The following DAZAP1 variants were observed in gnomAD, a reference collection of about 807,000 sequenced individuals.
DAZAP1 encodes DAZ associated protein 1.
DAZAP1 carries 6 observed loss-of-function variants against 60.1 expected under a neutral mutation model. That is an observed-to-expected ratio of 0.10 (90% CI 0.05 to 0.20). The LOEUF is 0.20. Ranked by LOEUF, DAZAP1 falls within the 10% of genes least tolerant of loss-of-function variation. DAZAP1 has a pLI of 1.00. For synonymous variants in DAZAP1, 235 were observed against 215.9 expected, an observed-to-expected ratio of 1.09 and a Z score of -0.78; for missense variants, 366 against 560.4, an observed-to-expected ratio of 0.65 and a Z score of 3.50.
intron 10 of DAZAP1, among the ~76,000 whole-genome samples, chr19:1,431,354 C>A (rs1353957492): frequency 6.6e-6 from 1 of 151,542 alleles, no homozygotes; most frequent in Non-Finnish European, 1.5e-5. Context: ...TGGTCTCGAT[C>A]TCCTGACCTC....
intron 1 of DAZAP1, among the ~76,000 whole-genome samples, chr19:1,411,361 A>G (rs947937728): frequency 6.6e-6 from 1 of 152,152 alleles, no homozygotes; most frequent in Non-Finnish European, 1.5e-5. Flanking sequence ...GACAACCACA[A>G]ATGTTCCCAG....
chr19:1,425,809 A>T lies in DAZAP1; in HGVS notation c.464-69A>T. On this transcript the variant is annotated intron_variant, in intron 6 of 11. Coordinates refer to ENST00000233078, the MANE Select transcript of DAZAP1 (RefSeq NM_018959.4). This position sits in a 1 kb window ranked among gnomAD's most constrained non-coding sequence, Gnocchi z 5.4. ...AGGTCGATCCCTCGGCCCGTCCCTAATACTGTTCATCATCCTGTTTTGTGT... is the reference window on the plus strand; with the variant it reads ...AGGTCGATCCCTCGGCCCGTCCCTATTACTGTTCATCATCCTGTTTTGTGT... The T allele has an allele frequency of 9.0e-7, 1 of 1,110,366 alleles. No individual in the cohort carries two copies. The highest frequency in any genetic ancestry group is 2.0e-4 in the Middle Eastern group (1 of 5,088). The allele number at this position is 1,110,366 out of a possible 1,614,324, so 68.8% of individuals were successfully genotyped here.
At chr19:1,409,244 G>A (rs2082756034) in intron 1 of DAZAP1, among the ~76,000 whole-genome samples, 1 of 152,252 alleles carries the variant, frequency 6.6e-6, no homozygotes, top group Non-Finnish European at 1.5e-5. Context: ...GGCCATGGGG[G>A]ATGGAGCCAT....
chr19:1,434,525 G>A lies in DAZAP1; in HGVS notation c.1049-212G>A. The A allele has an allele frequency of 1.8e-6, 1 of 545,602 alleles. No individual in the cohort carries two copies. The highest frequency in any genetic ancestry group is 3.2e-6 in the Non-Finnish European group (1 of 308,170). 33.8% of individuals were successfully genotyped at this position (545,602 alleles called of 1,614,324 possible). On this transcript the variant is annotated intron_variant, in intron 11 of 11. Coordinates refer to ENST00000233078, the MANE Select transcript of DAZAP1 (RefSeq NM_018959.4). The surrounding 1 kb of genome is among the most constrained non-coding windows in gnomAD (Gnocchi z 8.0). The stretch of plus-strand genomic sequence containing the variant: ...AGGGCTCTGGAAGCCGCTTTTCTCT[G>A]TGTGTGCCCCTGCTCACATGTTTTT...
At position 1,433,652 on chromosome 19, in the gene DAZAP1, G is replaced by A. The variant is rs922869109; in HGVS notation, c.1048+962G>A. ...GTCTGAGACTGGCAGGGGGGTGTGA[G>A]GCGCCCGGTTGGGGCGTGGCGTGTG... On this transcript the variant is annotated intron_variant, in intron 11 of 11. Transcript: ENST00000233078. This position sits in a 1 kb window ranked among gnomAD's most constrained non-coding sequence, Gnocchi z 6.1. The A allele has an allele frequency of 8.1e-6, 9 of 1,117,652 alleles. No individual in the cohort carries two copies. Among genetic ancestry groups the A allele is most frequent in the African/African-American group, 3.1e-5 (2 of 64,820 alleles). The allele number at this position is 1,117,652 out of a possible 1,614,324, so 69.2% of individuals were successfully genotyped here.
chr19:1,424,781 T>A (rs1199686789), intron 6 of DAZAP1, among the ~76,000 whole-genome samples: 1 of 152,186 alleles, frequency 6.6e-6, no homozygotes, highest in African/African-American at 2.4e-5. Flanking sequence ...CCCATGTCCA[T>A]CTTTGTTCTG....
rs142046074 is a variant in DAZAP1, at chr19:1,414,988, G to A, written c.30-2512G>A. Among the ~76,000 whole-genome samples the A allele has an allele frequency of 2.4e-3, 371 of 151,828 alleles. 5 individuals carry two copies. Among genetic ancestry groups the A allele is most frequent in the African/African-American group, 8.6e-3 (357 of 41,414 alleles). On this transcript the variant is annotated intron_variant, in intron 1 of 11. Transcript: ENST00000233078. ...GGTGCCTGCCACCACCTGGAGTCTC[G>A]TTACGTTGCCCAGGCTGGTCTTGAA...
chr19:1,413,009 C>A (rs547439966), intron 1 of DAZAP1, among the ~76,000 whole-genome samples: 1 of 152,216 alleles, frequency 6.6e-6, no homozygotes, highest in African/African-American at 2.4e-5. Context: ...GTCGGAGATG[C>A]CGTCAGCTGG....
chr19:1,413,324 G>A (rs1239924408), intron 1 of DAZAP1, among the ~76,000 whole-genome samples: 1 of 152,212 alleles, frequency 6.6e-6, no homozygotes, highest in Non-Finnish European at 1.5e-5. Context: ...GATGGACAGT[G>A]TCTGGGAGGT....
At chr19:1,424,635 A>C (rs1267704325) in intron 6 of DAZAP1, among the ~76,000 whole-genome samples, 1 of 147,490 alleles carries the variant, frequency 6.8e-6, no homozygotes, top group Non-Finnish European at 1.5e-5. Context: ...GCCTGTTCCC[A>C]CCCCCCACGG....
chr19:1,413,348 T>C (rs973528443), intron 1 of DAZAP1, among the ~76,000 whole-genome samples: 78 of 152,344 alleles, frequency 5.1e-4, no homozygotes, highest in African/African-American at 1.8e-3. Context: ...TGCCCAGGGC[T>C]CCGCATGTTT....
chr19:1,430,264 C>A lies in DAZAP1; in HGVS notation c.773C>A (p.Pro258Gln). The A allele has an allele frequency of 7.8e-7, 1 of 1,276,778 alleles. No individual in the cohort carries two copies. Among genetic ancestry groups the A allele is most frequent in the Non-Finnish European group, 1.1e-6 (1 of 904,762 alleles). The allele number at this position is 1,276,778 out of a possible 1,614,324, so 79.1% of individuals were successfully genotyped here. A position where few individuals can be genotyped will look rare whatever the true frequency, so the allele number is the denominator to read the frequency against. Residue 258 changes from proline (P) to glutamine (Q), a missense_variant, in exon 10 of 12, where the codon CCA becomes CAA. Transcript: ENST00000233078. ...PPPAGRGAPP[P>Q]PPPFTSYIVS... ...CCTGCAGGAAGAGGAGCCCCCCCGC[C>A]ACCCCCACCGTTCACCTCCTACATC... is the stretch of plus-strand genomic sequence containing the variant.
chr19:1,408,348 C>A (rs2082724858), intron 1 of DAZAP1, among the ~76,000 whole-genome samples: 1 of 151,450 alleles, frequency 6.6e-6, no homozygotes, highest in Non-Finnish European at 1.5e-5. Context: ...GTCCAGGGCG[C>A]CGTCGCCGCC....
intron 9 of DAZAP1, 96 bp downstream of exon 9, chr19:1,430,092 G>C (rs926291085): frequency 1.5e-5 from 23 of 1,573,506 alleles, no homozygotes; most frequent in Non-Finnish European, 1.7e-5. Context: ...CCTGGTTCCC[G>C]TGTCCTGAGT....
chr19:1,419,555 C>T (rs989561295), intron 4 of DAZAP1, among the ~76,000 whole-genome samples: 1 of 152,262 alleles, frequency 6.6e-6, no homozygotes, highest in Non-Finnish European at 1.5e-5. Flanking sequence ...CCCGTGTCAT[C>T]TGTGTCCAGG....
intron 1 of DAZAP1, among the ~76,000 whole-genome samples, chr19:1,411,621 A>C (rs971820324): frequency 1.3e-5 from 2 of 152,194 alleles, no homozygotes; most frequent in African/African-American, 4.8e-5. Flanking sequence ...TGCCCTTCAC[A>C]CAGCAGCTCC....
At position 1,418,534 on chromosome 19, in the gene DAZAP1, G is replaced by A; in HGVS notation, c.238-132G>A. 7.0e-7 allele frequency: 1 copy of A among 1,438,246 alleles called. No homozygotes were observed. Among genetic ancestry groups the A allele is most frequent in the Non-Finnish European group, 9.7e-7 (1 of 1,025,842 alleles). 89.1% of individuals were successfully genotyped at this position (1,438,246 alleles called of 1,614,324 possible). On this transcript the variant is annotated intron_variant, in intron 3 of 11. Transcript: ENST00000233078. The surrounding 1 kb of genome is among the most constrained non-coding windows in gnomAD (Gnocchi z 5.7). ...GTGCTGAGGCTGGATATTGCAGGAG[G>A]ATACAGGGTGAATGGAGCCGGCGGG...
At chr19:1,419,235 C>T (rs1169813605) in intron 4 of DAZAP1, among the ~76,000 whole-genome samples, 1 of 152,232 alleles carries the variant, frequency 6.6e-6, no homozygotes, top group African/African-American at 2.4e-5. Flanking sequence ...TTGGGTCTCA[C>T]CACCACCCAC....
chr19:1,421,090 T>A (rs1014169670), intron 4 of DAZAP1, 58 bp from the exon 5 acceptor site: 2 of 1,518,994 alleles, frequency 1.3e-6, no homozygotes, highest in East Asian at 2.3e-5. Flanking sequence ...CCTCCGCAGC[T>A]CGCGGGAGGG....
Sources: allele counts gnomAD v4.1 joint callset (sites outside exome capture counted in the v4.1 genomes callset), GRCh38; gene constraint gnomAD v4.1.1; non-coding constraint Gnocchi (gnomAD v3.1); transcripts MANE v1.5; gene names NCBI Gene and HGNC (gene_info 2026-07-23, HGNC 2026-07-21).